The following TTC3 variants were observed in gnomAD, a reference collection of about 807,000 sequenced individuals.
TTC3 encodes E3 ubiquitin-protein ligase TTC3.
TTC3 carries 180 observed loss-of-function variants against 249.6 expected under a neutral mutation model. The ratio of observed to expected loss-of-function variants is 0.72; its 90% CI spans 0.64 to 0.82. The LOEUF is 0.82. Among genes scored for constraint, TTC3 ranks in the 40% least tolerant of loss-of-function variants. The probability of loss-of-function intolerance (pLI) is 0.00; values close to 1 mark genes in which losing one functional copy is unlikely to be tolerated. For missense variants in TTC3, 2,061 were observed against 2,398.4 expected, an observed-to-expected ratio of 0.86 and a Z score of 2.94; for synonymous variants, 717 against 805.0, an observed-to-expected ratio of 0.89 and a Z score of 1.85.
At chr21:37,185,936 TTATAAA>T (rs2083221786) in intron 37 of TTC3, 162 bp downstream of exon 37, 2 of 299,272 alleles carry the variant, frequency 6.7e-6, no homozygotes, top group Non-Finnish European at 1.2e-5. Context: ...AAAAATTAAT[TTATAAA>T]TATATTCTTT....
Position 37,148,659 on chromosome 21 carries a change from C to T in TTC3, c.2118+12C>T. On this transcript the variant is annotated intron_variant, in intron 23 of 45. Transcript: ENST00000355666. Reference sequence around the variant, plus strand: ...ATAAAATTGACAAGGTAAAGCATAACAGGATTGTCTGAATTTTTCAGTATA... The same window carrying T: ...ATAAAATTGACAAGGTAAAGCATAATAGGATTGTCTGAATTTTTCAGTATA... The T allele has an allele frequency of 1.3e-6, 2 of 1,535,550 alleles. No homozygotes were observed. Among genetic ancestry groups the T allele is most frequent in the Non-Finnish European group, 1.8e-6 (2 of 1,138,274 alleles).
chr21:37,122,065 C>A, intron 12 of TTC3, 86 bp downstream of exon 12: 2 of 1,229,786 alleles, frequency 1.6e-6, no homozygotes, highest in Non-Finnish European at 1.1e-6. Flanking sequence ...CAGAGGACCA[C>A]AAATCAATCC....
chr21:37,149,567 T>C (rs1375619299), intron 23 of TTC3, among the ~76,000 whole-genome samples: 2 of 152,206 alleles, frequency 1.3e-5, no homozygotes, highest in Non-Finnish European at 2.9e-5. Flanking sequence ...CAGCTTTCCC[T>C]AGGATATGCT....
intron 34 of TTC3, among the ~76,000 whole-genome samples, chr21:37,172,359 G>T (rs1336107906): frequency 6.6e-6 from 1 of 152,130 alleles, no homozygotes; most frequent in Admixed American, 6.5e-5. Flanking sequence ...ACTAATTATA[G>T]TATAGATTGG....
chr21:37,154,756 C>T lies in TTC3; in HGVS notation c.2740+1479C>T, dbSNP rs545210590. ...TGTTGCCCAGGCTGGAGTGCAGCGG[C>T]GCGATCTCGGCTCACTGCAAGCTCC... is the stretch of plus-strand genomic sequence containing the variant. On this transcript the variant is annotated intron_variant, in intron 27 of 45. Transcript: ENST00000355666. Among the ~76,000 whole-genome samples, 49 of 152,224 alleles carry T rather than the reference C, an allele frequency of 3.2e-4. 1 individual carries two copies. Among genetic ancestry groups the T allele is most frequent in the Non-Finnish European group, 5.4e-4 (37 of 68,024 alleles).
At chr21:37,195,622 T>A (rs754762172) in intron 41 of TTC3, 53 bp from the exon 42 acceptor site, 658 of 1,531,740 alleles carry the variant, frequency 4.3e-4, no homozygotes, top group Non-Finnish European at 5.4e-4. Context: ...CTTGGGCGTT[T>A]CATCCTTCAA....
At chr21:37,091,341 G>T (rs145091703) in exon 7 of TTC3, 1 of 1,611,292 alleles carries the variant, frequency 6.2e-7, no homozygotes, top group Non-Finnish European at 8.5e-7. Flanking sequence ...ATATGCAGGC[G>T]ATGTAACAAT....
At chr21:37,127,540 A>G (rs893177878) in intron 15 of TTC3, among the ~76,000 whole-genome samples, 1 of 152,202 alleles carries the variant, frequency 6.6e-6, no homozygotes, top group Admixed American at 6.5e-5. Context: ...CTGCCTTTTA[A>G]CACGGAATTT....
chr21:37,085,405 A>G (rs1468128394), intron 1 of TTC3, among the ~76,000 whole-genome samples: 1 of 152,188 alleles, frequency 6.6e-6, no homozygotes, highest in South Asian at 2.1e-4. Context: ...GTCATTAATG[A>G]TCCTAATGAA....
intron 27 of TTC3, among the ~76,000 whole-genome samples, chr21:37,154,991 G>A (rs889392747): frequency 3.9e-5 from 6 of 152,064 alleles, no homozygotes; most frequent in Non-Finnish European, 5.9e-5. Flanking sequence ...CACCGCGCCC[G>A]GTCGATATAA....
In TTC3 at chr21:37,153,238, C is replaced by T. The variant is rs754655220; in HGVS notation, c.2701C>T (p.Pro901Ser). Residue 901 changes from proline to serine, a missense_variant, in exon 27 of 46, where the codon CCC becomes TCC. By Grantham distance (74) the Pro-to-Ser change is moderately conservative. Coordinates refer to ENST00000355666, the Ensembl canonical transcript of TTC3. Reference sequence around the variant, plus strand: ...TTTGAGTGAGCTTAAAGAAGTGGAGCCCAAATTAGCCGCCTGGATCCAAAA... The same window carrying T: ...TTTGAGTGAGCTTAAAGAAGTGGAGTCCAAATTAGCCGCCTGGATCCAAAA... 7 of 1,613,498 alleles carry T rather than the reference C, an allele frequency of 4.3e-6. No individual in the cohort carries two copies. The South Asian group carries it at 6.6e-5, about 15-fold the overall frequency.
chr21:37,128,887 TACC>T, intron 15 of TTC3, 113 bp from the exon 16 acceptor site: 2 of 656,852 alleles, frequency 3.0e-6, no homozygotes. Context: ...TACACCCACG[TACC>T]ACATTTCTGC....
chr21:37,183,904 T>C (rs1316825222), intron 36 of TTC3, among the ~76,000 whole-genome samples: 1 of 152,160 alleles, frequency 6.6e-6, no homozygotes, highest in African/African-American at 2.4e-5. Context: ...TTCAAGGGCA[T>C]GAATAATGGG....
At chr21:37,089,133 A>G (rs1411557002) in intron 5 of TTC3, among the ~76,000 whole-genome samples, 2 of 152,118 alleles carry the variant, frequency 1.3e-5, no homozygotes, top group African/African-American at 4.8e-5. Context: ...AGAAATTGGA[A>G]CTTGTCACAG....
intron 13 of TTC3, 48 bp from the exon 14 acceptor site, chr21:37,124,571 G>A (rs1239042959): frequency 1.3e-6 from 2 of 1,590,734 alleles, no homozygotes; most frequent in East Asian, 2.3e-5. Context: ...TTCATTCAAA[G>A]GATAACTTTC....
At chr21:37,199,639 A>G in intron 44 of TTC3, among the ~76,000 whole-genome samples, 1 of 152,240 alleles carries the variant, frequency 6.6e-6, no homozygotes, top group East Asian at 1.9e-4. Flanking sequence ...GAAAATAGTA[A>G]AGAAAAAGAT....
intron 18 of TTC3, among the ~76,000 whole-genome samples, chr21:37,135,837 A>G (rs971655915): frequency 2.6e-5 from 4 of 152,186 alleles, no homozygotes; most frequent in Non-Finnish European, 5.9e-5. Flanking sequence ...TCGTTTCATT[A>G]TGCTTTGCTT....
intron 1 of TTC3, among the ~76,000 whole-genome samples, chr21:37,075,637 C>G (rs973579659): frequency 6.6e-6 from 1 of 152,180 alleles, no homozygotes; most frequent in Admixed American, 6.5e-5. Context: ...TTGGTTGCTG[C>G]TAAATTTGCT....
At chr21:37,162,195 A>G (rs1201828891) in intron 31 of TTC3, 132 bp downstream of exon 31, 6 of 531,298 alleles carry the variant, frequency 1.1e-5, no homozygotes, top group Non-Finnish European at 2.0e-5. Context: ...GCATCTGACA[A>G]CCTGATGTAA....
Sources: allele counts gnomAD v4.1 joint callset (sites outside exome capture counted in the v4.1 genomes callset), GRCh38; gene constraint gnomAD v4.1.1; transcripts MANE v1.5; gene names NCBI Gene and HGNC (gene_info 2026-07-23, HGNC 2026-07-21).